The following CACNA1A variants were observed in gnomAD, a reference collection of about 807,000 sequenced individuals.
CACNA1A encodes calcium voltage-gated channel subunit alpha1 A.
CACNA1A carries 57 observed loss-of-function variants against 262.4 expected under a neutral mutation model. The ratio of observed to expected loss-of-function variants is 0.22; its 90% CI spans 0.18 to 0.27. The LOEUF (loss-of-function observed/expected upper bound fraction) is 0.27. Among genes scored for constraint, CACNA1A ranks in the 10% least tolerant of loss-of-function variants. CACNA1A has a pLI of 1.00. For synonymous variants in CACNA1A, 1,431 were observed against 1,419.3 expected (o/e 1.01, Z -0.18); for missense variants, 2,526 against 3,562.8 (o/e 0.71, Z 7.41).
chr19:13,409,205 C>G (rs8100433), intron 3 of CACNA1A, among the ~76,000 whole-genome samples: 45,268 of 151,912 alleles, frequency 0.3, 12,219 homozygotes, highest in African/African-American at 0.7. Context: ...CCGTGGGGTA[C>G]GGATGACATT....
intron 6 of CACNA1A, among the ~76,000 whole-genome samples, chr19:13,344,259 C>A (rs2058724317): frequency 1.4e-5 from 2 of 146,908 alleles, no homozygotes; most frequent in Admixed American, 1.4e-4. Flanking sequence ...AAGAACCCAA[C>A]ACGTACCTCA....
At chr19:13,238,980 C>A (rs970410760) in intron 31 of CACNA1A, among the ~76,000 whole-genome samples, 1 of 152,172 alleles carries the variant, frequency 6.6e-6, no homozygotes, top group Non-Finnish European at 1.5e-5. Flanking sequence ...GGACAACCCT[C>A]CCACTGTTCT....
Position 13,506,245 on chromosome 19 carries a change from C to G in CACNA1A, c.-21G>C. Reference sequence around the variant, plus strand: ...GCCATTCTGCAAAGAGCAAAGGGCTCCGGGTTACGCTGCGGCGAACGATGC... The same window carrying G: ...GCCATTCTGCAAAGAGCAAAGGGCTGCGGGTTACGCTGCGGCGAACGATGC... On this transcript the variant is annotated 5_prime_UTR_variant, in exon 1 of 47. Coordinates refer to ENST00000360228, the MANE Select transcript of CACNA1A (RefSeq NM_001127222.2). 7.0e-7 allele frequency: 1 copy of G among 1,426,444 alleles called. No individual in the cohort carries two copies. Among genetic ancestry groups the G allele is most frequent in the South Asian group, 1.5e-5 (1 of 65,236 alleles). 88.4% of individuals were successfully genotyped at this position (1,426,444 alleles called of 1,614,324 possible). A position where few individuals can be genotyped will look rare whatever the true frequency, so the allele number is the denominator to read the frequency against.
chr19:13,425,978 G>A (rs936263509), intron 3 of CACNA1A, among the ~76,000 whole-genome samples: 1 of 152,038 alleles, frequency 6.6e-6, no homozygotes, highest in African/African-American at 2.4e-5. Context: ...GAATCATTTG[G>A]GCCTGGGAGG....
rs1274328294 is a variant in CACNA1A at position 13,318,373 on chromosome 19, G to A, written c.1346-1052C>T. On this transcript the variant is annotated intron_variant, in intron 10 of 46. Coordinates refer to ENST00000360228, the MANE Select transcript of CACNA1A (RefSeq NM_001127222.2). ...AGTGGAGTGGTTGAGGGGAAAAGAG[G>A]AAGGTGGTGAAGGCAGGGAGGTGAC... 2.6e-5 allele frequency among the ~76,000 whole-genome samples: 4 copies of A among 152,286 alleles called. No homozygotes were observed. The South Asian group carries it at 8.3e-4, about 32-fold the overall frequency.
intron 6 of CACNA1A, among the ~76,000 whole-genome samples, chr19:13,345,895 C>CTTTTTTTT (rs55982966): frequency 2.0e-5 from 2 of 100,532 alleles, no homozygotes; most frequent in Non-Finnish European, 3.9e-5. Context: ...TTCACGAAGT[C>CTTTTTTTT]TTTTTTTTTT....
intron 19 of CACNA1A, among the ~76,000 whole-genome samples, chr19:13,291,842 G>A (rs762112558): frequency 2.6e-5 from 4 of 151,902 alleles, no homozygotes; most frequent in Non-Finnish European, 4.4e-5. Flanking sequence ...TGGGGGTACC[G>A]TAAGAATTAG....
At chr19:13,238,606 AAG>A (rs1273559172) in intron 31 of CACNA1A, among the ~76,000 whole-genome samples, 19 of 34,298 alleles carry the variant, frequency 5.5e-4, no homozygotes, top group Admixed American at 4.2e-3. Flanking sequence ...TTTTTTTTTT[AAG>A]AGAGTCTCAC....
chr19:13,386,562 G>C (rs1312416334), intron 3 of CACNA1A, among the ~76,000 whole-genome samples: 1 of 152,150 alleles, frequency 6.6e-6, no homozygotes, highest in South Asian at 2.1e-4. Flanking sequence ...GCCGAGGCAG[G>C]TGCATCACCT....
intron 33 of CACNA1A, 77 bp downstream of exon 33, chr19:13,235,132 C>T: frequency 1.3e-6 from 2 of 1,557,396 alleles, no homozygotes; most frequent in Non-Finnish European, 1.8e-6. Context: ...GTGAACCAGG[C>T]TCCTCTGACC....
chr19:13,207,231 C>G lies in CACNA1A; in HGVS notation c.*82G>C. Reference sequence around the variant, plus strand: ...TCTCCCGGGCCCTCTGTGCTGGGCCCCCGCGGCCTCTGCGCGGCTCCTCGG... The same window carrying G: ...TCTCCCGGGCCCTCTGTGCTGGGCCGCCGCGGCCTCTGCGCGGCTCCTCGG... On this transcript the variant is annotated 3_prime_UTR_variant, in exon 47 of 47. Transcript: ENST00000360228. The surrounding 1 kb of genome is among the most constrained non-coding windows in gnomAD (Gnocchi z 5.7). 1 of 1,381,312 alleles carries G rather than the reference C, an allele frequency of 7.2e-7. No individual in the cohort carries two copies. Among genetic ancestry groups the G allele is most frequent in the Non-Finnish European group, 9.4e-7 (1 of 1,061,622 alleles). 85.6% of individuals were successfully genotyped at this position (1,381,312 alleles called of 1,614,324 possible).
At chr19:13,382,132 ATGAG>A (rs2059534352) in intron 3 of CACNA1A, among the ~76,000 whole-genome samples, 2 of 152,100 alleles carry the variant, frequency 1.3e-5, no homozygotes, top group African/African-American at 4.8e-5. Flanking sequence ...GACCACACCA[ATGAG>A]TGAGTGAGAG....
intron 1 of CACNA1A, among the ~76,000 whole-genome samples, chr19:13,474,489 G>A (rs1978317364): frequency 6.6e-6 from 1 of 152,158 alleles, no homozygotes. Context: ...CAAAGGGGAG[G>A]TGGGAAAAAG....
chr19:13,376,860 TATATGTG>T (rs1435851980), intron 3 of CACNA1A, among the ~76,000 whole-genome samples: 1 of 144,436 alleles, frequency 6.9e-6, no homozygotes. Flanking sequence ...ACACATATGT[TATATGTG>T]ATATATATAA....
At chr19:13,470,314 A>G (rs770576923) in intron 1 of CACNA1A, among the ~76,000 whole-genome samples, 6 of 151,696 alleles carry the variant, frequency 4.0e-5, no homozygotes, top group Non-Finnish European at 8.8e-5. Context: ...AGCCCCCATC[A>G]CTCAACCAAA....
intron 1 of CACNA1A, among the ~76,000 whole-genome samples, chr19:13,460,930 T>C (rs1599307072): frequency 6.6e-6 from 1 of 152,144 alleles, no homozygotes; most frequent in East Asian, 1.9e-4. Flanking sequence ...TCTTGTTCCC[T>C]GTCTCTCCCA....
chr19:13,505,893 G>T (rs1418203918), intron 1 of CACNA1A, 39 bp downstream of exon 1: 10 of 1,592,726 alleles, frequency 6.3e-6, no homozygotes, highest in Non-Finnish European at 7.7e-6. Context: ...GGGAGGAGGG[G>T]GAGGCGCAGC....
At chr19:13,389,150 G>A (rs373128860) in intron 3 of CACNA1A, among the ~76,000 whole-genome samples, 16 of 152,234 alleles carry the variant, frequency 1.1e-4, no homozygotes, top group Non-Finnish European at 2.2e-4. Flanking sequence ...TGATCCACCC[G>A]CCTTGGCCTG....
chr19:13,483,138 C>T (rs2145091526), intron 1 of CACNA1A, among the ~76,000 whole-genome samples: 1 of 152,162 alleles, frequency 6.6e-6, no homozygotes, highest in African/African-American at 2.4e-5. Flanking sequence ...ATGTGGCCTC[C>T]CAAAACTTCC....
Sources: gnomAD v4.1 joint callset for allele counts (sites outside exome capture counted in the v4.1 genomes callset) on GRCh38, gnomAD v4.1.1 for gene constraint, Gnocchi (gnomAD v3.1) non-coding constraint, MANE v1.5 for transcripts, NCBI Gene and HGNC (gene_info 2026-07-23, HGNC 2026-07-21) for gene names.